The following ZNF69 variants were observed in gnomAD, a reference collection of about 807,000 sequenced individuals.
ZNF69 encodes the protein zinc finger protein 69.
ZNF69 carries 47 observed loss-of-function variants against 50.9 expected under a neutral mutation model. That is an observed-to-expected ratio of 0.92 (90% confidence interval 0.73 to 1.18). The LOEUF (loss-of-function observed/expected upper bound fraction) is 1.18. ZNF69 is among the 50% of genes most tolerant of loss of function. ZNF69 has a pLI of 0.00. For synonymous variants in ZNF69, 216 were observed against 223.1 expected, an observed-to-expected ratio of 0.97 and a Z score of 0.29; for missense variants, 717 against 675.1, an observed-to-expected ratio of 1.06 and a Z score of -0.69.
chr19:11,921,488 T>C, the ZNF69 span, among the ~76,000 whole-genome samples: 3 of 115,692 alleles, frequency 2.6e-5, no homozygotes, highest in African/African-American at 2.0e-4. Flanking sequence ...AAAATTTCTT[T>C]TGTTTGTTTG....
chr19:11,905,883 C>T lies in ZNF69; in HGVS notation c.1486C>T (p.His496Tyr). The change falls in exon 4 of 4, where the codon CAT becomes TAT. Residue 496 changes from histidine (H) to tyrosine (Y), a missense_variant. By Grantham distance (83) the His-to-Tyr change is moderately conservative. Coordinates refer to ENST00000429654, the MANE Select transcript of ZNF69 (RefSeq NM_001364730.1). Reference protein sequence around the residue: ...GFYCPKSLQRHEKTHTGEKLY... With the variant: ...GFYCPKSLQRYEKTHTGEKLY... Reference sequence around the variant, plus strand: ...TTATTGTCCCAAATCATTGCAAAGACATGAAAAAACTCACACTGGAGAGAA... The same window carrying T: ...TTATTGTCCCAAATCATTGCAAAGATATGAAAAAACTCACACTGGAGAGAA... 6.2e-7 allele frequency: 1 copy of T among 1,613,764 alleles called. No homozygotes were observed. Among genetic ancestry groups the T allele is most frequent in the Non-Finnish European group, 8.5e-7 (1 of 1,179,934 alleles).
the ZNF69 span, among the ~76,000 whole-genome samples, chr19:11,958,108 G>A: frequency 6.6e-6 from 1 of 152,180 alleles, no homozygotes; most frequent in Non-Finnish European, 1.5e-5. Flanking sequence ...ATGAATCACA[G>A]CCATTTTCAG....
chr19:11,923,988 T>TC, the ZNF69 span, among the ~76,000 whole-genome samples: 2 of 152,170 alleles, frequency 1.3e-5, no homozygotes, highest in Admixed American at 6.5e-5. Flanking sequence ...TCCGAGAAGC[T>TC]GCAGAGCCCT....
the ZNF69 span, among the ~76,000 whole-genome samples, chr19:11,974,661 G>A: frequency 6.6e-6 from 1 of 151,828 alleles, no homozygotes; most frequent in African/African-American, 2.4e-5. Context: ...GGAGTGCGGG[G>A]GCATGATCTC....
chr19:11,925,851 C>T, the ZNF69 span, among the ~76,000 whole-genome samples: 1 of 152,202 alleles, frequency 6.6e-6, no homozygotes, highest in Non-Finnish European at 1.5e-5. Context: ...CAACCCCAAG[C>T]AGCCTGGAGT....
chr19:11,908,835 AGGAGAC>A (rs1339873793), downstream of ZNF69, among the ~76,000 whole-genome samples: 1 of 152,224 alleles, frequency 6.6e-6, no homozygotes, highest in Non-Finnish European at 1.5e-5. Context: ...GCAGAACTGA[AGGAGAC>A]AGAGACAGAA....
chr19:11,966,491 A>C, the ZNF69 span, among the ~76,000 whole-genome samples: 1 of 152,162 alleles, frequency 6.6e-6, no homozygotes, highest in Non-Finnish European at 1.5e-5. Flanking sequence ...CTCCTGCCTC[A>C]GCTTCCTGAG....
At chr19:11,963,228 T>A in the ZNF69 span, among the ~76,000 whole-genome samples, 1 of 152,108 alleles carries the variant, frequency 6.6e-6, no homozygotes, top group African/African-American at 2.4e-5. Flanking sequence ...TAGCTGAGAC[T>A]ATAGGTACAC....
chr19:11,908,967 C>T (rs1199159474), downstream of ZNF69, among the ~76,000 whole-genome samples: 1 of 151,778 alleles, frequency 6.6e-6, no homozygotes, highest in Non-Finnish European at 1.5e-5. Context: ...CAAATAGATG[C>T]AATAAAAAAT....
At chr19:11,979,812 G>A in the ZNF69 span, 6 of 1,572,534 alleles carry the variant, frequency 3.8e-6, no homozygotes, top group Non-Finnish European at 5.2e-6. Flanking sequence ...AAGGAATGTG[G>A]GAAAGCCTTC....
chr19:11,904,837 G>C lies in ZNF69; in HGVS notation c.440G>C (p.Gly147Ala), dbSNP rs755796534. 2 of 1,614,098 alleles carry C rather than the reference G, an allele frequency of 1.2e-6. No homozygotes were observed. Among genetic ancestry groups the C allele is most frequent in the South Asian group, 2.2e-5 (2 of 91,086 alleles). The change falls in exon 4 of 4, where the codon GGT becomes GCT. Residue 147 changes from glycine (G) to alanine (A), a missense_variant. Physicochemically the swap from Gly to Ala is moderately conservative, Grantham distance 60. Coordinates refer to ENST00000429654, the MANE Select transcript of ZNF69 (RefSeq NM_001364730.1). ...GNSSFNMNIR[G>A]DIGHKAYEYQ... ...TCATCTTTTAATATGAACATCAGAG[G>C]TGACATTGGACACAAGGCCTATGAG...
At chr19:11,934,818 GC>G in the ZNF69 span, among the ~76,000 whole-genome samples, 17 of 147,704 alleles carry the variant, frequency 1.2e-4, no homozygotes, top group Non-Finnish European at 4.4e-5. Flanking sequence ...GAGCCACTGC[GC>G]CCGGCCTGTT....
At chr19:11,907,612 A>G (rs1018639538), downstream of ZNF69, among the ~76,000 whole-genome samples, 1 of 152,204 alleles carries the variant, frequency 6.6e-6, no homozygotes, top group Non-Finnish European at 1.5e-5. Flanking sequence ...TCCTTTACAG[A>G]TTCAAATGCT....
the ZNF69 span, among the ~76,000 whole-genome samples, chr19:11,959,590 G>A: frequency 6.6e-6 from 1 of 152,162 alleles, no homozygotes; most frequent in South Asian, 2.1e-4. Context: ...TGAGCCTGTT[G>A]TAGACATGCT....
chr19:11,932,827 C>T, the ZNF69 span, among the ~76,000 whole-genome samples: 25 of 147,262 alleles, frequency 1.7e-4, 1 homozygote, highest in East Asian at 1.9e-4. Context: ...TTAGTAGAGA[C>T]GGGGTTTCAC....
At chr19:11,898,467 A>G (rs935204895) in intron 1 of ZNF69, among the ~76,000 whole-genome samples, 2 of 143,922 alleles carry the variant, frequency 1.4e-5, no homozygotes, top group Admixed American at 7.4e-5. Context: ...CTCGGCTCAC[A>G]GCAACCTCCG....
intron 1 of ZNF69, among the ~76,000 whole-genome samples, 189 bp downstream of exon 1, chr19:11,888,175 C>T (rs1976993551): frequency 6.6e-6 from 1 of 152,222 alleles, no homozygotes; most frequent in Admixed American, 6.5e-5. Flanking sequence ...GGACACCAGG[C>T]GTCCTGTCTC....
chr19:11,903,427 A>G (rs1018853072), intron 1 of ZNF69, 146 bp from the exon 2 acceptor site: 31 of 1,388,576 alleles, frequency 2.2e-5, no homozygotes, highest in African/African-American at 7.2e-5. Context: ...GAATTGCTTT[A>G]TGGAAGAAAG....
intron 1 of ZNF69, among the ~76,000 whole-genome samples, chr19:11,900,541 C>T (rs1972221802): frequency 6.6e-6 from 1 of 152,014 alleles, no homozygotes; most frequent in Non-Finnish European, 1.5e-5. Flanking sequence ...TTACTAGAGA[C>T]GGGGTTTCAC....
Sources: allele counts gnomAD v4.1 joint callset (sites outside exome capture counted in the v4.1 genomes callset), GRCh38; gene constraint gnomAD v4.1.1; transcripts MANE v1.5; gene names NCBI Gene and HGNC (gene_info 2026-07-23, HGNC 2026-07-21).